TRPV6: variants seen among roughly 807,000 people sequenced by gnomAD.
TRPV6 encodes Alu-binding protein with zinc finger domain.
TRPV6 carries 39 observed loss-of-function variants against 79.0 expected under a neutral mutation model. The observed-to-expected ratio is 0.49, with a 90% CI of 0.38 to 0.64. TRPV6 has a LOEUF of 0.64. Among genes scored for constraint, TRPV6 ranks in the 30% least tolerant of loss-of-function variants. TRPV6 has a pLI of 0.00. For synonymous variants in TRPV6, 373 were observed against 391.9 expected, an observed-to-expected ratio of 0.95 and a Z score of 0.57; for missense variants, 813 against 1,011.1, an observed-to-expected ratio of 0.80 and a Z score of 2.66.
In TRPV6 at chr7:142,872,616, C is replaced by T. The variant is rs995902965; in HGVS notation, c.1909-138G>A. The T allele has an allele frequency of 4.6e-6, 4 of 874,606 alleles. No individual in the cohort carries two copies. The Admixed American group carries it at 6.4e-5, about 14-fold the overall frequency. 54.2% of individuals were successfully genotyped at this position (874,606 alleles called of 1,614,324 possible). ...GACCAACAATTCTTTACCCAATGAC[C>T]CAACATCCATGACGCAGCCAGGCCA... On this transcript the variant is annotated intron_variant, in intron 13 of 14. Transcript: ENST00000359396.
At chr7:142,877,401 G>A (rs527619185) in intron 3 of TRPV6, 122 bp from the exon 4 acceptor site, 77 of 1,512,638 alleles carry the variant, frequency 5.1e-5, no homozygotes, top group South Asian at 4.3e-4. Context: ...GGGAGCTCTC[G>A]GGTGTTCAGG....
chr7:142,875,984 G>A, intron 6 of TRPV6, 80 bp from the exon 7 acceptor site: 3 of 1,469,460 alleles, frequency 2.0e-6, no homozygotes, highest in Non-Finnish European at 2.7e-6. Context: ...ATGTGCAGGA[G>A]GACGGCACCC....
Position 142,873,715 on chromosome 7 carries a change from G to C in TRPV6, c.1641C>G (p.Ala547=), listed in dbSNP as rs1563353629. The change falls in exon 13 of 15, where the codon GCC becomes GCG. Residue 547 remains alanine, a splice_region_variant and synonymous_variant. Transcript: ENST00000359396. This position sits in a 1 kb window ranked among gnomAD's most constrained non-coding sequence, Gnocchi z 4.8. ...CCTCTGTCTGGAAGATGATATAGAA[G>C]GCTGCTCCACCCAAGGGGGTGAGGG... is the stretch of plus-strand genomic sequence containing the variant. 1.2e-6 allele frequency: 2 copies of C among 1,613,882 alleles called. No homozygotes were observed. Among genetic ancestry groups the C allele is most frequent in the East Asian group, 2.2e-5 (1 of 44,874 alleles).
intron 7 of TRPV6, 35 bp downstream of exon 7, chr7:142,875,723 C>T: frequency 6.3e-7 from 1 of 1,599,128 alleles, no homozygotes; most frequent in Non-Finnish European, 8.5e-7. Flanking sequence ...CCCTGACACC[C>T]CTCCCCAGCC....
At position 142,872,390 on chromosome 7, in the gene TRPV6, C is replaced by T. The variant is rs867223812; in HGVS notation, c.1997G>A (p.Gly666Glu). ...CACTCACCGCAGGAACCAGCGGTCT[C>T]CCAGGCCATACTCCCGTCCGCAGAT... Residue 666 changes from glycine to glutamate, a missense_variant, in exon 14 of 15, where the codon GGA becomes GAA. Gly to Glu is a moderately conservative substitution (Grantham distance 98, BLOSUM62 -2). Transcript: ENST00000359396. The T allele has an allele frequency of 6.2e-7, 1 of 1,614,090 alleles. No homozygotes were observed. The highest frequency in any genetic ancestry group is 1.3e-5 in the African/African-American group (1 of 74,944).
intron 3 of TRPV6, 31 bp from the exon 4 acceptor site, chr7:142,877,310 C>T (rs373370643): frequency 1.9e-6 from 3 of 1,611,020 alleles, no homozygotes; most frequent in Non-Finnish European, 2.5e-6. Flanking sequence ...AGTCACGGGT[C>T]TGTCCCCAGG....
At position 142,875,888 on chromosome 7, in the gene TRPV6, A is replaced by G. The variant is rs1462780609; in HGVS notation, c.899T>C (p.Met300Thr). 5.0e-6 allele frequency: 8 copies of G among 1,587,556 alleles called. No homozygotes were observed. The highest frequency in any genetic ancestry group is 3.4e-4 in the Middle Eastern group (2 of 5,896). The stretch of plus-strand genomic sequence containing the variant: ...CCACTGGGTGTGCTTCCGCTTCTGC[A>G]TCAGGTGCTGAAACATCTAAGGGAA... Residue 300 changes from methionine to threonine, a missense_variant, in exon 7 of 15, where the codon ATG becomes ACG. Met to Thr is a moderately conservative substitution (Grantham distance 81). Coordinates refer to ENST00000359396, the MANE Select transcript of TRPV6 (RefSeq NM_018646.6).
rs1182819723 is a variant in TRPV6, at chr7:142,877,208, C to T, written c.541G>A (p.Ala181Thr). Reference sequence around the variant, plus strand: ...CCTGTGGCTCTGGCAGAGACACTGGCCCTGCGGGCAAGCAGGGCTCGCACC... The same window carrying T: ...CCTGTGGCTCTGGCAGAGACACTGGTCCTGCGGGCAAGCAGGGCTCGCACC... The change falls in exon 4 of 15, where the codon GCC becomes ACC. Residue 181 changes from alanine to threonine, a missense_variant. Ala to Thr is a moderately conservative substitution (Grantham distance 58). Transcript: ENST00000359396. 9.3e-6 allele frequency: 15 copies of T among 1,614,204 alleles called. No individual in the cohort carries two copies. Among genetic ancestry groups the T allele is most frequent in the Non-Finnish European group, 1.1e-5 (13 of 1,180,032 alleles).
Position 142,875,768 on chromosome 7 carries a change from T to C in TRPV6, c.1019A>G (p.Lys340Arg). The C allele has an allele frequency of 6.2e-7, 1 of 1,604,272 alleles. No individual in the cohort carries two copies. Among genetic ancestry groups the C allele is most frequent in the East Asian group, 2.2e-5 (1 of 44,772 alleles). ...TGTCATGAGCCATACCTCCCGCTTC[T>C]TGGTGGTGATGATAAGTTCCAGCAG... The change falls in exon 7 of 15, where the codon AAG becomes AGG. Residue 340 changes from lysine to arginine, a missense_variant. By Grantham distance (26) the Lys-to-Arg change is conservative (BLOSUM62 2). Around this residue, in one of 3 missense-constraint regions of TRPV6, gnomAD observed 555 missense variants for 631.0 expected, o/e 0.88. Transcript: ENST00000359396.
rs1327315227 is a variant in TRPV6, at chr7:142,875,125, C to A, written c.1282G>T (p.Gly428Trp). 1 of 1,613,936 alleles carries A rather than the reference C, an allele frequency of 6.2e-7. No homozygotes were observed. Among genetic ancestry groups the A allele is most frequent in the Admixed American group, 1.7e-5 (1 of 60,000 alleles). ...GCCCCAATGACAGTCACCAGCTCCC[C>A]GACCAGCCGGATATCGTCCTTAGGG... Residue 428 changes from glycine to tryptophan, a missense_variant, in exon 9 of 15, where the codon GGG becomes TGG. Physicochemically the swap from Gly to Trp is radical, Grantham distance 184. Coordinates refer to ENST00000359396, the MANE Select transcript of TRPV6 (RefSeq NM_018646.6).
rs74680532 is a variant in TRPV6 at position 142,877,884 on chromosome 7, G to C, written c.346+45C>G. Reference sequence around the variant, plus strand: ...CCTGGGCACTCCTGGGAGGCCCCATGTGTGGGGCTCACCTAGGAGATCATG... The same window carrying C: ...CCTGGGCACTCCTGGGAGGCCCCATCTGTGGGGCTCACCTAGGAGATCATG... On this transcript the variant is annotated intron_variant, in intron 2 of 14. Coordinates refer to ENST00000359396, the MANE Select transcript of TRPV6 (RefSeq NM_018646.6). 1.8e-3 allele frequency: 2,823 copies of C among 1,610,634 alleles called. 39 individuals carry two copies. In the African/African-American group the frequency reaches 0.032, roughly 18 times the overall value.
intron 1 of TRPV6, chr7:142,884,284 C>T (rs566871744): frequency 2.0e-5 from 3 of 152,600 alleles, no homozygotes; most frequent in African/African-American, 7.2e-5. Flanking sequence ...ATCCCCAACC[C>T]AGAATCCTTC....
At chr7:142,875,377 G>C (rs569683194) in intron 8 of TRPV6, 91 bp downstream of exon 8, 4 of 1,395,816 alleles carry the variant, frequency 2.9e-6, no homozygotes, top group Non-Finnish European at 3.9e-6. Context: ...AGAGCAAGGG[G>C]AGAAATGGTG....
intron 8 of TRPV6, 125 bp downstream of exon 8, chr7:142,875,343 G>T: frequency 7.8e-7 from 1 of 1,279,252 alleles, no homozygotes; most frequent in Non-Finnish European, 1.1e-6. Context: ...TGCATTTGGA[G>T]TTTGTACCCA....
chr7:142,883,892 CA>C, intron 1 of TRPV6: 1 of 152,366 alleles, frequency 6.6e-6, no homozygotes, highest in Non-Finnish European at 1.5e-5. Flanking sequence ...CCTTTCTAGC[CA>C]AAGTCTGCAG....
intron 1 of TRPV6, chr7:142,882,027 G>A (rs910573539): frequency 3.9e-5 from 6 of 152,194 alleles, no homozygotes; most frequent in East Asian, 1.9e-4. Flanking sequence ...ACAGAGCCAC[G>A]ACGCATGCCC....
chr7:142,881,097 G>A (rs1181639414), intron 1 of TRPV6: 1 of 152,160 alleles, frequency 6.6e-6, no homozygotes, highest in Non-Finnish European at 1.5e-5. Flanking sequence ...CCCACAAGGG[G>A]ACAGCACAGA....
At chr7:142,877,840 G>A in intron 2 of TRPV6, 67 bp from the exon 3 acceptor site, 1 of 1,612,994 alleles carries the variant, frequency 6.2e-7, no homozygotes, top group South Asian at 1.1e-5. Context: ...GATAGATTCA[G>A]AGGCCAACAG....
chr7:142,872,419 G>C lies in TRPV6; in HGVS notation c.1968C>G (p.Ser656=), dbSNP rs748360543. The change falls in exon 14 of 15, where the codon TCC becomes TCG. Residue 656 remains serine, a synonymous_variant. Transcript: ENST00000359396. ...GGCCATACTCCCGTCCGCAGATCCC[G>C]GAGCGAGGCCACAGGCAGCGAGGCA... The C allele has an allele frequency of 5.6e-6, 9 of 1,614,116 alleles. No homozygotes were observed. In the African/African-American group the frequency reaches 1.1e-4, roughly 19 times the overall value.
Sources: allele counts gnomAD v4.1 joint callset, GRCh38; gene constraint gnomAD v4.1.1; regional missense constraint gnomAD v4.1.1; non-coding constraint Gnocchi (gnomAD v3.1); transcripts MANE v1.5; gene names NCBI Gene and HGNC (gene_info 2026-07-23, HGNC 2026-07-21).